The following PLXNC1 variants were observed in gnomAD, a reference collection of about 807,000 sequenced individuals.
The protein encoded by PLXNC1 is plexin C1.
A neutral mutation model predicts 178.2 loss-of-function variants in PLXNC1; 75 were observed. The observed-to-expected ratio is 0.42, with a 90% confidence interval of 0.35 to 0.51. The LOEUF is 0.51. Ranked by LOEUF, PLXNC1 falls within the 20% of genes least tolerant of loss-of-function variation. PLXNC1 has a pLI of 0.02. For missense variants in PLXNC1, 1,503 were observed against 1,984.4 expected (o/e 0.76, Z 4.61); for synonymous variants, 790 against 779.9 (o/e 1.01, Z -0.22).
chr12:94,177,526 G>GGAGAATGAAAGAAA (rs1555195713), intron 2 of PLXNC1, among the ~76,000 whole-genome samples: 1 of 133,116 alleles, frequency 7.5e-6, no homozygotes, highest in Non-Finnish European at 1.5e-5. Context: ...AGAGAGAGAG[G>GGAGAATGAAAGAAA]GAGAAAGAAA....
chr12:94,302,677 G>T (rs1968582549), intron 28 of PLXNC1, among the ~76,000 whole-genome samples: 3 of 152,132 alleles, frequency 2.0e-5, no homozygotes, highest in Admixed American at 2.0e-4. Flanking sequence ...GTTCTGGGAG[G>T]TTACAAGTCT....
At chr12:94,253,989 TAAG>T (rs1964772180) in intron 15 of PLXNC1, among the ~76,000 whole-genome samples, 1 of 152,218 alleles carries the variant, frequency 6.6e-6, no homozygotes, top group Non-Finnish European at 1.5e-5. Context: ...GTAATTTCTA[TAAG>T]GAGGAGAAGC....
intron 27 of PLXNC1, among the ~76,000 whole-genome samples, 200 bp from the exon 28 acceptor site, chr12:94,300,710 T>C (rs1027162955): frequency 6.6e-6 from 1 of 152,178 alleles, no homozygotes; most frequent in Non-Finnish European, 1.5e-5. Context: ...CCTCTATCCT[T>C]CTTTTACAGT....
chr12:94,196,168 A>G (rs1425201194), intron 4 of PLXNC1, among the ~76,000 whole-genome samples: 1 of 152,150 alleles, frequency 6.6e-6, no homozygotes, highest in African/African-American at 2.4e-5. Flanking sequence ...ATGAGAGGTG[A>G]GCTACATACA....
intron 4 of PLXNC1, among the ~76,000 whole-genome samples, chr12:94,195,957 C>CT (rs1405290354): frequency 3.3e-5 from 5 of 152,150 alleles, no homozygotes; most frequent in East Asian, 1.9e-4. Context: ...GTCCCAGCTC[C>CT]TTTTTTTATC....
chr12:94,209,467 G>C lies in PLXNC1; in HGVS notation c.1440-123G>C. On this transcript the variant is annotated intron_variant, in intron 4 of 30. Transcript: ENST00000258526. ...TTCTCGCTCAAATCAATAATCCACT[G>C]TACAAGGTCTGGCATTTTGTACTGA... The C allele has an allele frequency of 1.8e-5, 12 of 674,186 alleles. No homozygotes were observed. The South Asian group carries it at 2.1e-4, about 12-fold the overall frequency. The allele number at this position is 674,186 out of a possible 1,614,324, so 41.8% of individuals were successfully genotyped here.
Position 94,260,712 on chromosome 12 carries a change from G to A in PLXNC1, c.3322G>A (p.Val1108Met), listed in dbSNP as rs1964969710. 2 of 1,613,660 alleles carry A rather than the reference G, an allele frequency of 1.2e-6. No homozygotes were observed. Among genetic ancestry groups the A allele is most frequent in the South Asian group, 1.1e-5 (1 of 91,074 alleles). ...KLVYLTSILE[V>M]LTRDLMEQCS... is the part of the protein sequence containing the mutation. Reference sequence around the variant, plus strand: ...GGTCTACCTGACCAGCATCCTAGAGGTGCTGACCAGGGACTTGATGGAACA... The same window carrying A: ...GGTCTACCTGACCAGCATCCTAGAGATGCTGACCAGGGACTTGATGGAACA... The change falls in exon 20 of 31, where the codon GTG becomes ATG. Residue 1108 changes from valine (V) to methionine (M), a missense_variant. Coordinates refer to ENST00000258526, the MANE Select transcript of PLXNC1 (RefSeq NM_005761.3). This position sits in a 1 kb window ranked among gnomAD's most constrained non-coding sequence, Gnocchi z 4.4.
At position 94,297,646 on chromosome 12, in the gene PLXNC1, G is replaced by A. The variant is rs980440623; in HGVS notation, c.4074+223G>A. ...ATTTGTACTGTAGTATCTTCAGTCA[G>A]GGATTTAATATTGTTCCCAGTCTCT... On this transcript the variant is annotated intron_variant, in intron 26 of 30. Transcript: ENST00000258526. 3.9e-5 allele frequency among the ~76,000 whole-genome samples: 6 copies of A among 152,090 alleles called. No homozygotes were observed. In the East Asian group the frequency reaches 1.2e-3, roughly 29 times the overall value.
intron 1 of PLXNC1, among the ~76,000 whole-genome samples, chr12:94,166,251 T>C (rs1469031467): frequency 6.7e-6 from 1 of 149,316 alleles, no homozygotes; most frequent in Non-Finnish European, 1.5e-5. Flanking sequence ...TGTTCTAAGC[T>C]TTACTGAGGC....
Position 94,155,224 on chromosome 12 carries a change from A to C in PLXNC1, c.1062+5191A>C, listed in dbSNP as rs140303767. On this transcript the variant is annotated intron_variant, in intron 1 of 30. Coordinates refer to ENST00000258526, the MANE Select transcript of PLXNC1 (RefSeq NM_005761.3). ...TGGTGTAATTTTTGATTGCCTTTCA[A>C]CTATGAGAGGAAAGGGCTTTATGCT... Among the ~76,000 whole-genome samples, 5 of 152,328 alleles carry C rather than the reference A, an allele frequency of 3.3e-5. No homozygotes were observed. The East Asian group carries it at 9.6e-4, about 29-fold the overall frequency.
chr12:94,201,785 T>C (rs1365085289), intron 4 of PLXNC1, among the ~76,000 whole-genome samples: 2 of 89,076 alleles, frequency 2.2e-5, no homozygotes, highest in Non-Finnish European at 4.3e-5. Context: ...TTTTTTTTTT[T>C]TGAGACAGAG....
intron 5 of PLXNC1, among the ~76,000 whole-genome samples, chr12:94,211,706 A>C (rs1963473430): frequency 6.6e-6 from 1 of 152,282 alleles, no homozygotes; most frequent in Non-Finnish European, 1.5e-5. Context: ...CTATGGGATC[A>C]GCATTAAAAA....
intron 2 of PLXNC1, among the ~76,000 whole-genome samples, chr12:94,177,616 G>A (rs1355508803): frequency 2.6e-5 from 4 of 151,246 alleles, no homozygotes; most frequent in Admixed American, 2.0e-4. Flanking sequence ...GAGAGGAGAG[G>A]AGAAAGGAAA....
At chr12:94,172,854 G>C (rs930533805) in intron 2 of PLXNC1, among the ~76,000 whole-genome samples, 1 of 152,210 alleles carries the variant, frequency 6.6e-6, no homozygotes, top group Non-Finnish European at 1.5e-5. Context: ...CTGATAATCT[G>C]TGAAGAAACT....
At chr12:94,266,388 C>CT (rs1284535106) in intron 21 of PLXNC1, among the ~76,000 whole-genome samples, 2 of 152,208 alleles carry the variant, frequency 1.3e-5, no homozygotes, top group Non-Finnish European at 2.9e-5. Flanking sequence ...TGTATCAATA[C>CT]ACCCATCCAC....
At chr12:94,199,932 C>G (rs1963058307) in intron 4 of PLXNC1, among the ~76,000 whole-genome samples, 2 of 152,152 alleles carry the variant, frequency 1.3e-5, no homozygotes, top group Non-Finnish European at 2.9e-5. Context: ...CTGGGACTGA[C>G]TACAGGCGCG....
chr12:94,196,742 T>C (rs1418812497), intron 4 of PLXNC1, among the ~76,000 whole-genome samples: 1 of 152,102 alleles, frequency 6.6e-6, no homozygotes, highest in Non-Finnish European at 1.5e-5. Context: ...TGTGCATGGG[T>C]AGAGAAGAAT....
intron 3 of PLXNC1, among the ~76,000 whole-genome samples, chr12:94,184,462 G>A (rs57080877): frequency 0.027 from 3,949 of 147,986 alleles, 190 homozygotes; most frequent in African/African-American, 0.094. Flanking sequence ...TCTCACTGTC[G>A]CCCAGGCTGG....
At chr12:94,300,350 C>T (rs903852018) in intron 27 of PLXNC1, among the ~76,000 whole-genome samples, 3 of 152,258 alleles carry the variant, frequency 2.0e-5, no homozygotes, top group South Asian at 2.1e-4. Context: ...ATGAGACTAC[C>T]TGAGGCAAGA....
Sources: gnomAD v4.1 joint callset for allele counts (sites outside exome capture counted in the v4.1 genomes callset) on GRCh38, gnomAD v4.1.1 for gene constraint, Gnocchi (gnomAD v3.1) non-coding constraint, MANE v1.5 for transcripts, NCBI Gene and HGNC (gene_info 2026-07-23, HGNC 2026-07-21) for gene names.